The following MARK3 variants were observed in gnomAD, a reference collection of about 807,000 sequenced individuals.
MARK3 encodes the protein MAP/microtubule affinity-regulating kinase 3.
Under a neutral mutation model 90.1 loss-of-function variants are expected in MARK3, and 46 were observed. The observed-to-expected ratio is 0.51, with a 90% CI of 0.40 to 0.65. MARK3 has a LOEUF of 0.65. MARK3 is among the 30% of genes least tolerant of loss of function. The pLI is 0.00. For synonymous variants in MARK3, 321 were observed against 332.6 expected (o/e 0.97, Z 0.38); for missense variants, 818 against 947.2 (o/e 0.86, Z 1.79).
intron 3 of MARK3, among the ~76,000 whole-genome samples, chr14:103,435,432 G>T (rs528861385): frequency 2.6e-5 from 4 of 151,816 alleles, no homozygotes; most frequent in Admixed American, 6.6e-5. Flanking sequence ...TTTTTGAGAC[G>T]GAGTCTCGCT....
At chr14:103,481,221 A>C (rs2093812696) in intron 14 of MARK3, among the ~76,000 whole-genome samples, 1 of 152,240 alleles carries the variant, frequency 6.6e-6, no homozygotes, top group Non-Finnish European at 1.5e-5. Context: ...AGATTGGTAG[A>C]GAATAGCTAA....
chr14:103,501,046 C>T (rs898607504), intron 17 of MARK3, among the ~76,000 whole-genome samples: 2 of 152,198 alleles, frequency 1.3e-5, no homozygotes, highest in Non-Finnish European at 2.9e-5. Context: ...TTATGCCAGT[C>T]ACCAGCAGGC....
In MARK3 at chr14:103,386,027, A is replaced by T. The variant is rs2140400755; in HGVS notation, c.-3A>T. 1 of 1,613,178 alleles carries T rather than the reference A, an allele frequency of 6.2e-7. No individual in the cohort carries two copies. Among genetic ancestry groups the T allele is most frequent in the South Asian group, 1.1e-5 (1 of 91,064 alleles). Reference sequence around the variant, plus strand: ...GCATTGTGCAGAATTAAAGTGCAGTAAAATGTCCACTAGGACCCCATTGCC... The same window carrying T: ...GCATTGTGCAGAATTAAAGTGCAGTTAAATGTCCACTAGGACCCCATTGCC... On this transcript the variant is annotated 5_prime_UTR_variant, in exon 1 of 18. Transcript: ENST00000429436.
At position 103,457,082 on chromosome 14, in the gene MARK3, A is replaced by G. The variant is rs1397908850; in HGVS notation, c.413-60A>G. 8.9e-6 allele frequency: 9 copies of G among 1,014,946 alleles called. No homozygotes were observed. In the South Asian group the frequency reaches 1.0e-4, roughly 12 times the overall value. 62.9% of individuals were successfully genotyped at this position (1,014,946 alleles called of 1,614,324 possible). On this transcript the variant is annotated intron_variant, in intron 5 of 17. Coordinates refer to ENST00000429436, the MANE Select transcript of MARK3 (RefSeq NM_001128918.3). ...ATTGCTAAAAGTGAAACATCAATTT[A>G]TGGGAAAATTAATACTCAGAAGTAG...
At chr14:103,496,198 C>T (rs940754158) in intron 15 of MARK3, among the ~76,000 whole-genome samples, 2 of 152,190 alleles carry the variant, frequency 1.3e-5, no homozygotes, top group Non-Finnish European at 2.9e-5. Context: ...CTGCCTCCTT[C>T]CTCTTTATAC....
At chr14:103,403,349 TGTGTGTG>T (rs1566776366) in intron 1 of MARK3, among the ~76,000 whole-genome samples, 1 of 149,412 alleles carries the variant, frequency 6.7e-6, no homozygotes, top group Non-Finnish European at 1.5e-5. Flanking sequence ...TGTGTGTGTG[TGTGTGTG>T]TGTGTGTGTG....
At chr14:103,463,695 C>T (rs12432803) in intron 7 of MARK3, among the ~76,000 whole-genome samples, 50,290 of 151,974 alleles carry the variant, frequency 0.33, 8,699 homozygotes, top group East Asian at 0.5. Context: ...CTTATATGTT[C>T]TTCTCTGTTT....
At chr14:103,404,933 T>C (rs557278300) in intron 1 of MARK3, 143 bp from the exon 2 acceptor site, 4 of 550,766 alleles carry the variant, frequency 7.3e-6, no homozygotes, top group East Asian at 3.4e-5. Flanking sequence ...ATTTATATTA[T>C]GTGGTTAAAT....
chr14:103,470,124 T>TA (rs932016738), intron 12 of MARK3, among the ~76,000 whole-genome samples: 126 of 152,094 alleles, frequency 8.3e-4, no homozygotes, highest in African/African-American at 3.0e-3. Flanking sequence ...GTAACTCTCA[T>TA]AATAGACAGG....
At chr14:103,455,525 G>A (rs1402221725) in intron 5 of MARK3, among the ~76,000 whole-genome samples, 6 of 152,010 alleles carry the variant, frequency 3.9e-5, no homozygotes, top group African/African-American at 9.7e-5. Context: ...CCAGGAGTTC[G>A]AGACCAGCCT....
At chr14:103,420,060 T>G (rs938704506) in intron 2 of MARK3, among the ~76,000 whole-genome samples, 1 of 152,136 alleles carries the variant, frequency 6.6e-6, no homozygotes, top group African/African-American at 2.4e-5. Flanking sequence ...TAAGATATAA[T>G]TTATATATTC....
chr14:103,387,334 C>CTG (rs2089886788), intron 1 of MARK3, among the ~76,000 whole-genome samples: 1 of 152,090 alleles, frequency 6.6e-6, no homozygotes. Flanking sequence ...CTCTGTGGCC[C>CTG]TGAGTAAGTA....
At chr14:103,424,993 T>C (rs2092352790) in intron 2 of MARK3, among the ~76,000 whole-genome samples, 1 of 152,118 alleles carries the variant, frequency 6.6e-6, no homozygotes, top group Non-Finnish European at 1.5e-5. Flanking sequence ...CAGGCTGGAG[T>C]GCAGTGGCAT....
chr14:103,425,876 A>AT (rs997650338), intron 2 of MARK3, among the ~76,000 whole-genome samples: 25 of 152,214 alleles, frequency 1.6e-4, no homozygotes, highest in Non-Finnish European at 3.2e-4. Context: ...TGTTGCAGTG[A>AT]TTTTTTCTGT....
chr14:103,489,743 A>G (rs1237148100), intron 14 of MARK3: 1 of 152,214 alleles, frequency 6.6e-6, no homozygotes, highest in Admixed American at 6.5e-5. Context: ...ATTCCTACTT[A>G]TCCTTAAAGG....
intron 1 of MARK3, among the ~76,000 whole-genome samples, chr14:103,400,663 A>G (rs1299232232): frequency 6.6e-6 from 1 of 152,102 alleles, no homozygotes; most frequent in Non-Finnish European, 1.5e-5. Flanking sequence ...TTGGGAGAAT[A>G]AGACAGGAGG....
intron 7 of MARK3, 37 bp from the exon 8 acceptor site, chr14:103,465,520 G>C: frequency 6.9e-7 from 1 of 1,443,528 alleles, no homozygotes; most frequent in African/African-American, 1.4e-5. Context: ...TTCTATTTTG[G>C]CTAAATTTCA....
chr14:103,438,936 C>T (rs936526743), intron 3 of MARK3, among the ~76,000 whole-genome samples: 5 of 151,100 alleles, frequency 3.3e-5, no homozygotes, highest in Admixed American at 3.3e-4. Context: ...TGCAGTGAAC[C>T]ATGTTCATGC....
chr14:103,466,299 A>T, intron 9 of MARK3, 44 bp from the exon 10 acceptor site: 1 of 1,432,280 alleles, frequency 7.0e-7, no homozygotes, highest in Non-Finnish European at 9.7e-7. Context: ...CGGTTATCAG[A>T]ATATTTCATT....
Sources: gnomAD v4.1 joint callset for allele counts (sites outside exome capture counted in the v4.1 genomes callset) on GRCh38, gnomAD v4.1.1 for gene constraint, MANE v1.5 for transcripts, NCBI Gene and HGNC (gene_info 2026-07-23, HGNC 2026-07-21) for gene names.